The following CLGN variants were observed in gnomAD, a reference collection of about 807,000 sequenced individuals.
CLGN encodes the protein testis tissue sperm-binding protein Li 79P.
In CLGN, 62 loss-of-function variants were observed where a neutral mutation model predicts 79.1. That is an observed-to-expected ratio of 0.78 (90% CI 0.64 to 0.97). The LOEUF is 0.97. CLGN is among the 50% of genes least tolerant of loss of function. CLGN has a pLI of 0.00. For missense variants in CLGN, 647 were observed against 715.5 expected (o/e 0.90, Z 1.09); for synonymous variants, 225 against 224.7 (o/e 1.00, Z -0.01).
In CLGN at chr4:140,389,157, G is replaced by T. The variant is rs1728727751; in HGVS notation, c.*67C>A. The T allele has an allele frequency of 3.3e-6, 4 of 1,215,400 alleles. No homozygotes were observed. The highest frequency in any genetic ancestry group is 1.2e-5 in the South Asian group (1 of 82,548). 75.3% of individuals were successfully genotyped at this position (1,215,400 alleles called of 1,614,324 possible). ...GGATGTGCAGACTGATTAAAGTTCA[G>T]GTCTGGCATGCTGATTTTTACAATG... On this transcript the variant is annotated 3_prime_UTR_variant, in exon 15 of 15. Coordinates refer to ENST00000325617, the MANE Select transcript of CLGN (RefSeq NM_004362.3).
At position 140,418,759 on chromosome 4, in the gene CLGN, T is replaced by C. The variant is rs1049459298; in HGVS notation, c.-9-5672A>G. Among the ~76,000 whole-genome samples the C allele has an allele frequency of 1.6e-3, 246 of 149,822 alleles. 3 individuals are homozygous for C. The highest frequency in any genetic ancestry group is 5.9e-3 in the African/African-American group (240 of 41,024). On this transcript the variant is annotated intron_variant, in intron 1 of 14. Transcript: ENST00000325617. ...AACACTTTTACACTGTTGGTGGGACTGTAAACTAGTTCAACCATTGTGGAA... is the reference window on the plus strand; with the variant it reads ...AACACTTTTACACTGTTGGTGGGACCGTAAACTAGTTCAACCATTGTGGAA...
intron 1 of CLGN, among the ~76,000 whole-genome samples, 154 bp downstream of exon 1, chr4:140,427,383 T>C (rs1188313231): frequency 3.9e-5 from 6 of 152,090 alleles, no homozygotes; most frequent in African/African-American, 1.2e-4. Flanking sequence ...ATCGCCAGAC[T>C]CAACATCCAC....
intron 1 of CLGN, among the ~76,000 whole-genome samples, chr4:140,417,810 C>T (rs1471954653): frequency 6.7e-6 from 1 of 149,530 alleles, no homozygotes; most frequent in South Asian, 2.1e-4. Context: ...CCATCCCCAT[C>T]AAGCTACCAA....
At chr4:140,422,656 A>T (rs1016511525) in intron 1 of CLGN, among the ~76,000 whole-genome samples, 7 of 152,102 alleles carry the variant, frequency 4.6e-5, no homozygotes, top group Non-Finnish European at 8.8e-5. Flanking sequence ...TCACTCTGTT[A>T]CCCAGGCTGG....
In CLGN at chr4:140,409,905, A is replaced by G; in HGVS notation, c.219-10T>C. 6.3e-7 allele frequency: 1 copy of G among 1,584,246 alleles called. No individual in the cohort carries two copies. On this transcript the variant is annotated splice_polypyrimidine_tract_variant and intron_variant, in intron 3 of 14. Transcript: ENST00000325617. ...TTTTGATAAGACCCATCTGTAAATA[A>G]AGTTGAACATACATATATGTCATTG...
rs747656791 is a variant in CLGN at position 140,395,912 on chromosome 4, C to T, written c.1056G>A (p.Arg352=). Residue 352 remains arginine, a synonymous_variant, in exon 10 of 15, where the codon CGG becomes CGA. Coordinates refer to ENST00000325617, the MANE Select transcript of CLGN (RefSeq NM_004362.3). ...GAGGTTTCCACTCACCACACCCAAT[C>T]CGACATGCTGGATTAAGAATCTGAG... ...EAPQILNPAC[R]IGCGEWKPPM... is the part of the protein sequence containing the mutation. 1.2e-6 allele frequency: 2 copies of T among 1,606,378 alleles called. No individual in the cohort carries two copies. Among genetic ancestry groups the T allele is most frequent in the Non-Finnish European group, 1.7e-6 (2 of 1,177,318 alleles).
At chr4:140,405,296 T>C (rs1009786928) in intron 5 of CLGN, among the ~76,000 whole-genome samples, 3 of 148,216 alleles carry the variant, frequency 2.0e-5, no homozygotes, top group African/African-American at 7.4e-5. Flanking sequence ...GCCATTCTCC[T>C]GCCTCAGCCT....
intron 5 of CLGN, 49 bp from the exon 6 acceptor site, chr4:140,402,115 G>T: frequency 1.1e-6 from 1 of 949,728 alleles, no homozygotes; most frequent in Non-Finnish European, 1.6e-6. Context: ...AAATTTACTA[G>T]TTGCTCTTTA....
At chr4:140,397,221 C>T (rs1271398677) in intron 8 of CLGN, among the ~76,000 whole-genome samples, 2 of 151,946 alleles carry the variant, frequency 1.3e-5, no homozygotes, top group Non-Finnish European at 2.9e-5. Context: ...GCAAAAGTAC[C>T]TATTTTCTCC....
At chr4:140,393,078 A>G (rs1728806033) in intron 11 of CLGN, among the ~76,000 whole-genome samples, 1 of 152,054 alleles carries the variant, frequency 6.6e-6, no homozygotes, top group African/African-American at 2.4e-5. Flanking sequence ...TTCATTCTGT[A>G]CTTTTAAAGA....
intron 5 of CLGN, 71 bp from the exon 6 acceptor site, chr4:140,402,137 TA>T (rs1729011652): frequency 1.3e-6 from 1 of 778,418 alleles, no homozygotes; most frequent in African/African-American, 1.8e-5. Context: ...AATATAATCT[TA>T]TTATTCTCAA....
At chr4:140,419,790 A>AAGAGGTAT (rs1456325151) in intron 1 of CLGN, among the ~76,000 whole-genome samples, 3 of 152,174 alleles carry the variant, frequency 2.0e-5, no homozygotes, top group Admixed American at 1.3e-4. Context: ...TAAATCACAA[A>AAGAGGTAT]AGAGGTATAA....
rs770317342 is a variant in CLGN at position 140,390,616 on chromosome 4, A to C, written c.1752+12T>G. On this transcript the variant is annotated intron_variant, in intron 14 of 14. Coordinates refer to ENST00000325617, the MANE Select transcript of CLGN (RefSeq NM_004362.3). ...AACAACTATACATAGAAACCAGCTT[A>C]TTTTCTGTTACCTCATCCTCTGACC... 1.9e-6 allele frequency: 3 copies of C among 1,557,812 alleles called. No individual in the cohort carries two copies. The highest frequency in any genetic ancestry group is 2.6e-6 in the Non-Finnish European group (3 of 1,147,858).
At position 140,409,735 on chromosome 4, in the gene CLGN, G is replaced by T. The variant is rs930356094; in HGVS notation, c.277+102C>A. 2.6e-5 allele frequency: 16 copies of T among 613,946 alleles called. No homozygotes were observed. The Admixed American group carries it at 3.9e-4, about 15-fold the overall frequency. 38.0% of individuals were successfully genotyped at this position (613,946 alleles called of 1,614,324 possible). ...ACTGAACATTTTATTGTGAGGCAGG[G>T]TGGGGGACTCCAGCCAACACAATTT... On this transcript the variant is annotated intron_variant, in intron 4 of 14. Transcript: ENST00000325617.
At chr4:140,420,827 A>C (rs894069759) in intron 1 of CLGN, among the ~76,000 whole-genome samples, 3 of 152,192 alleles carry the variant, frequency 2.0e-5, no homozygotes, top group African/African-American at 7.2e-5. Flanking sequence ...CAAGAAAATG[A>C]AGTAGTTAAT....
At position 140,392,673 on chromosome 4, in the gene CLGN, C is replaced by T; in HGVS notation, c.1404G>A (p.Gly468=). 6.2e-7 allele frequency: 1 copy of T among 1,609,718 alleles called. No individual in the cohort carries two copies. Among genetic ancestry groups the T allele is most frequent in the South Asian group, 1.1e-5 (1 of 90,344 alleles). Residue 468 remains glycine (G), a synonymous_variant, in exon 12 of 15, where the codon GGG becomes GGA. Transcript: ENST00000325617. ...VLKQLMAAAE[G]HPWLWLIYLV... is the part of the protein sequence containing the mutation. Reference sequence around the variant, plus strand: ...GATAAATCAACCAAAGCCATGGGTGCCCTTCAGCAGCTGCCATTAACTGTT... The same window carrying T: ...GATAAATCAACCAAAGCCATGGGTGTCCTTCAGCAGCTGCCATTAACTGTT...
chr4:140,420,218 T>C (rs911815394), intron 1 of CLGN, among the ~76,000 whole-genome samples: 24 of 152,160 alleles, frequency 1.6e-4, no homozygotes, highest in African/African-American at 5.6e-4. Flanking sequence ...TAGTGCTCTA[T>C]CTGGAACTCT....
chr4:140,392,273 G>GT lies in CLGN; in HGVS notation c.1596dup (p.Pro533ThrfsTer12). The stretch of plus-strand genomic sequence containing the variant: ...TTTTTTTCCTCTTCCAGGTCCATTG[G>GT]TTTTTCCAGGGCTGCTTTCTCTTCC... On this transcript the variant is annotated frameshift_variant, in exon 13 of 15. Transcript: ENST00000325617. LOFTEE classifies it high-confidence loss of function. 6.2e-7 allele frequency: 1 copy of GT among 1,613,236 alleles called. No individual in the cohort carries two copies. Among genetic ancestry groups the GT allele is most frequent in the Non-Finnish European group, 8.5e-7 (1 of 1,179,536 alleles).
At chr4:140,396,892 T>C (rs1728894195) in intron 8 of CLGN, among the ~76,000 whole-genome samples, 1 of 25,636 alleles carries the variant, frequency 3.9e-5, no homozygotes, top group African/African-American at 1.3e-4. Context: ...TATATATATG[T>C]ATATATATAT....
Sources: allele counts gnomAD v4.1 joint callset (sites outside exome capture counted in the v4.1 genomes callset), GRCh38; gene constraint gnomAD v4.1.1; transcripts MANE v1.5; gene names NCBI Gene and HGNC (gene_info 2026-07-23, HGNC 2026-07-21).